SDCCAG8: variants seen among roughly 807,000 people sequenced by gnomAD.
SDCCAG8 encodes serologically defined colon cancer antigen 8.
SDCCAG8 carries 74 observed loss-of-function variants against 101.8 expected under a neutral mutation model. The observed-to-expected ratio is 0.73, with a 90% confidence interval of 0.60 to 0.88. The LOEUF (loss-of-function observed/expected upper bound fraction) is 0.88. Ranked by LOEUF, SDCCAG8 falls within the 40% of genes least tolerant of loss-of-function variation. SDCCAG8 has a pLI of 0.00. For synonymous variants in SDCCAG8, 281 were observed against 292.9 expected (o/e 0.96, Z 0.41); for missense variants, 787 against 822.6 (o/e 0.96, Z 0.53).
intron 13 of SDCCAG8, among the ~76,000 whole-genome samples, chr1:243,396,690 A>G (rs2079054716): frequency 6.6e-6 from 1 of 152,212 alleles, no homozygotes; most frequent in Admixed American, 6.5e-5. Flanking sequence ...CTTCTTAGAC[A>G]TATAGTTCAT....
At chr1:243,430,796 CAAAAGATTTTTTAAAAAAT>C (rs1207275215) in intron 16 of SDCCAG8, among the ~76,000 whole-genome samples, 1 of 152,006 alleles carries the variant, frequency 6.6e-6, no homozygotes, top group Non-Finnish European at 1.5e-5. Context: ...GGGAAGAAAT[CAAAAGATTTTTTAAAAAAT>C]AGAGGAGATG....
At chr1:243,427,501 A>G (rs2081416817) in intron 16 of SDCCAG8, among the ~76,000 whole-genome samples, 1 of 152,206 alleles carries the variant, frequency 6.6e-6, no homozygotes, top group Non-Finnish European at 1.5e-5. Flanking sequence ...CGCATGCACG[A>G]TGATAGCAGC....
intron 8 of SDCCAG8, among the ~76,000 whole-genome samples, chr1:243,308,618 G>C (rs1419720020): frequency 6.6e-6 from 1 of 152,170 alleles, no homozygotes; most frequent in Non-Finnish European, 1.5e-5. Flanking sequence ...TCTTCATCAT[G>C]TGTCTGTTGT....
intron 16 of SDCCAG8, among the ~76,000 whole-genome samples, chr1:243,450,743 C>T (rs551068639): frequency 6.6e-6 from 1 of 152,216 alleles, no homozygotes; most frequent in African/African-American, 2.4e-5. Context: ...ACTGCAACCT[C>T]TGCCTCTCGG....
At chr1:243,348,275 C>T (rs2075860560) in intron 12 of SDCCAG8, among the ~76,000 whole-genome samples, 1 of 148,850 alleles carries the variant, frequency 6.7e-6, no homozygotes, top group South Asian at 2.1e-4. Context: ...TGGTCTCGAT[C>T]TCCTGACCTC....
intron 1 of SDCCAG8, among the ~76,000 whole-genome samples, chr1:243,262,381 C>T (rs1248514766): frequency 2.0e-5 from 3 of 152,184 alleles, no homozygotes; most frequent in African/African-American, 4.8e-5. Context: ...GCTGGGATTA[C>T]AGGCATGAGC....
At chr1:243,435,908 C>T (rs963812410) in intron 16 of SDCCAG8, among the ~76,000 whole-genome samples, 6 of 152,012 alleles carry the variant, frequency 3.9e-5, no homozygotes, top group African/African-American at 1.5e-4. Context: ...GTTTTAGGTT[C>T]ACAGCAAAAT....
intron 12 of SDCCAG8, among the ~76,000 whole-genome samples, chr1:243,377,582 A>G (rs1404191612): frequency 6.6e-6 from 1 of 151,996 alleles, no homozygotes; most frequent in Admixed American, 6.6e-5. Flanking sequence ...CTGAATATTT[A>G]TACTGTTATG....
chr1:243,400,416 C>T (rs1457369301), intron 13 of SDCCAG8, among the ~76,000 whole-genome samples: 1 of 152,200 alleles, frequency 6.6e-6, no homozygotes, highest in Non-Finnish European at 1.5e-5. Context: ...GCCTCTGCAA[C>T]ACCCTACTCC....
intron 6 of SDCCAG8, among the ~76,000 whole-genome samples, chr1:243,293,915 T>C (rs1047272239): frequency 6.6e-6 from 1 of 152,252 alleles, no homozygotes; most frequent in Non-Finnish European, 1.5e-5. Context: ...TTCTACCTGC[T>C]CAAATCTGCT....
intron 16 of SDCCAG8, among the ~76,000 whole-genome samples, chr1:243,466,200 T>TG (rs1660114206): frequency 1.3e-5 from 2 of 152,376 alleles, no homozygotes; most frequent in South Asian, 2.1e-4. Context: ...TGGTGAGAAC[T>TG]GGCATTTGAT....
At chr1:243,391,036 C>T (rs1018293492) in intron 13 of SDCCAG8, among the ~76,000 whole-genome samples, 8 of 152,156 alleles carry the variant, frequency 5.3e-5, no homozygotes, top group South Asian at 2.1e-4. Context: ...TGGGCTCAAG[C>T]GGAACTCCCT....
At chr1:243,342,782 A>C (rs1343338830) in intron 11 of SDCCAG8, among the ~76,000 whole-genome samples, 1 of 152,188 alleles carries the variant, frequency 6.6e-6, no homozygotes, top group Admixed American at 6.5e-5. Flanking sequence ...TCGGAGGAAT[A>C]AACTCTCTCA....
At chr1:243,265,221 G>A (rs2067494343) in intron 1 of SDCCAG8, among the ~76,000 whole-genome samples, 2 of 152,212 alleles carry the variant, frequency 1.3e-5, no homozygotes, top group Admixed American at 1.3e-4. Context: ...AGCATGTTTT[G>A]AAATGTAGCG....
chr1:243,499,591 C>A, intron 17 of SDCCAG8, 165 bp from the exon 18 acceptor site: 1 of 677,562 alleles, frequency 1.5e-6, no homozygotes. Flanking sequence ...TTGATGTGGA[C>A]AAGATGAGGC....
In SDCCAG8 at chr1:243,279,134, T is replaced by A. The variant is rs188116381; in HGVS notation, c.420+4478T>A. Among the ~76,000 whole-genome samples the A allele has an allele frequency of 3.3e-5, 5 of 152,300 alleles. No homozygotes were observed. The East Asian group carries it at 9.6e-4, about 29-fold the overall frequency. On this transcript the variant is annotated intron_variant, in intron 4 of 17. Transcript: ENST00000366541. The stretch of plus-strand genomic sequence containing the variant: ...TGTCTTATTGCATTAGCTAAGACTT[T>A]TTGGAATGATGTTGAATGGTTGTGA...
intron 3 of SDCCAG8, among the ~76,000 whole-genome samples, 158 bp downstream of exon 3, chr1:243,271,221 A>G (rs1195134526): frequency 6.6e-6 from 1 of 152,066 alleles, no homozygotes; most frequent in Non-Finnish European, 1.5e-5. Flanking sequence ...GGCTGAAAAA[A>G]TAGATTTCCA....
intron 10 of SDCCAG8, among the ~76,000 whole-genome samples, chr1:243,331,772 CCT>C (rs2074612811): frequency 6.6e-6 from 1 of 152,146 alleles, no homozygotes; most frequent in African/African-American, 2.4e-5. Context: ...CTTTTGCCTT[CCT>C]CTCTCTTATT....
chr1:243,483,589 A>G (rs1574320801), intron 16 of SDCCAG8, among the ~76,000 whole-genome samples: 1 of 129,680 alleles, frequency 7.7e-6, no homozygotes, highest in African/African-American at 2.9e-5. Flanking sequence ...CCTCCCCGCC[A>G]GCCCAGCCCC....
Sources: allele counts gnomAD v4.1 joint callset (sites outside exome capture counted in the v4.1 genomes callset), GRCh38; gene constraint gnomAD v4.1.1; transcripts MANE v1.5; gene names NCBI Gene and HGNC (gene_info 2026-07-23, HGNC 2026-07-21).